The following SGCD variants were observed in gnomAD, a reference collection of about 807,000 sequenced individuals.
SGCD encodes delta-sarcoglycan.
Under a neutral mutation model 36.6 loss-of-function variants are expected in SGCD, and 18 were observed. The observed-to-expected ratio is 0.49, with a 90% CI of 0.34 to 0.73. SGCD has a LOEUF of 0.73. SGCD is among the 30% of genes least tolerant of loss of function. The pLI, the probability that SGCD is intolerant of heterozygous loss-of-function variation, is 0.01. For missense variants in SGCD, 387 were observed against 346.7 expected, an observed-to-expected ratio of 1.12 and a Z score of -0.92; for synonymous variants, 133 against 130.6, an observed-to-expected ratio of 1.02 and a Z score of -0.12.
At chr5:156,001,606 T>C (rs1447006964) in intron 1 of SGCD, among the ~76,000 whole-genome samples, 2 of 152,218 alleles carry the variant, frequency 1.3e-5, no homozygotes, top group Non-Finnish European at 2.9e-5. Flanking sequence ...AATACTTAAG[T>C]TCTGTAAGAG....
At chr5:156,139,590 C>G (rs770712247) in intron 3 of SGCD, among the ~76,000 whole-genome samples, 13 of 152,066 alleles carry the variant, frequency 8.5e-5, no homozygotes, top group Non-Finnish European at 1.6e-4. Context: ...TTCTTTAATA[C>G]CTTTAAAGAA....
At chr5:156,237,871 AC>A (rs1480239341) in intron 3 of SGCD, among the ~76,000 whole-genome samples, 1 of 152,212 alleles carries the variant, frequency 6.6e-6, no homozygotes, top group Non-Finnish European at 1.5e-5. Flanking sequence ...TTGCCTCAAA[AC>A]AAATGATAAC....
At chr5:156,576,611 G>A (rs1435551191) in intron 4 of SGCD, among the ~76,000 whole-genome samples, 3 of 152,018 alleles carry the variant, frequency 2.0e-5, no homozygotes, top group Admixed American at 6.6e-5. Flanking sequence ...TATAATGATC[G>A]CCATTCTAAC....
At chr5:155,765,646 T>C in the SGCD span, among the ~76,000 whole-genome samples, 1 of 152,158 alleles carries the variant, frequency 6.6e-6, no homozygotes, top group South Asian at 2.1e-4. Flanking sequence ...CTGGACCATA[T>C]GCAGTATTTC....
intron 3 of SGCD, among the ~76,000 whole-genome samples, chr5:156,424,330 C>T (rs1219088648): frequency 1.3e-5 from 2 of 152,022 alleles, no homozygotes; most frequent in Non-Finnish European, 2.9e-5. Context: ...ACAATACACA[C>T]CAACACATTT....
intron 4 of SGCD, among the ~76,000 whole-genome samples, chr5:156,552,324 G>T (rs1412543403): frequency 2.0e-5 from 3 of 152,184 alleles, no homozygotes; most frequent in Non-Finnish European, 4.4e-5. Flanking sequence ...GTGTTGAGAA[G>T]ATGTGAAACG....
Position 156,765,553 on chromosome 5 carries a change from T to C in SGCD, c.*6163T>C, listed in dbSNP as rs1288383655. ...AAGAGTTGTATTCTATTATTCAATT[T>C]TAAGAATATTTATTAATATTCACTG... On this transcript the variant is annotated 3_prime_UTR_variant, in exon 9 of 9. Coordinates refer to ENST00000337851, the MANE Select transcript of SGCD (RefSeq NM_000337.6). 2 of 152,198 alleles carry C rather than the reference T, an allele frequency of 1.3e-5. No homozygotes were observed. The highest frequency in any genetic ancestry group is 1.3e-4 in the Admixed American group (2 of 15,282). The allele number at this position is 152,198 out of a possible 1,614,324, so 9.4% of individuals were successfully genotyped here.
chr5:156,453,859 A>G (rs781510427), intron 3 of SGCD, among the ~76,000 whole-genome samples: 1 of 152,220 alleles, frequency 6.6e-6, no homozygotes, highest in Non-Finnish European at 1.5e-5. Context: ...AAGAAGCCAG[A>G]CATAGAAGAG....
At chr5:156,412,851 A>T (rs1373173327) in intron 3 of SGCD, among the ~76,000 whole-genome samples, 5 of 143,122 alleles carry the variant, frequency 3.5e-5, no homozygotes, top group Non-Finnish European at 7.5e-5. Flanking sequence ...TGCGGACTGC[A>T]GTGGCGCAAT....
At chr5:156,606,899 TA>T (rs755123595) in intron 6 of SGCD, among the ~76,000 whole-genome samples, 1 of 152,264 alleles carries the variant, frequency 6.6e-6, no homozygotes, top group Non-Finnish European at 1.5e-5. Flanking sequence ...ATTGACTTTG[TA>T]TCCTGAGACT....
chr5:156,688,811 G>C (rs566037630), intron 7 of SGCD, among the ~76,000 whole-genome samples: 4 of 152,328 alleles, frequency 2.6e-5, no homozygotes, highest in Admixed American at 2.0e-4. Flanking sequence ...ATAGATGCTG[G>C]ACAGCCAAAA....
chr5:155,788,917 G>A, the SGCD span, among the ~76,000 whole-genome samples: 4 of 152,034 alleles, frequency 2.6e-5, no homozygotes, highest in Admixed American at 1.3e-4. Context: ...GACATAAAAC[G>A]GTCAAAATAC....
chr5:156,070,561 G>A (rs146853940), intron 1 of SGCD, among the ~76,000 whole-genome samples: 32,403 of 148,622 alleles, frequency 0.22, 4,210 homozygotes, highest in African/African-American at 0.34. Flanking sequence ...TTTTGCATCA[G>A]TGTTCATCAA....
chr5:156,171,016 G>A (rs1763332475), intron 3 of SGCD, among the ~76,000 whole-genome samples: 2 of 152,124 alleles, frequency 1.3e-5, no homozygotes, highest in Admixed American at 1.3e-4. Context: ...GTGTAAATGA[G>A]TAGCCTGACT....
At chr5:156,617,806 C>G (rs1416712825) in intron 6 of SGCD, among the ~76,000 whole-genome samples, 1 of 152,206 alleles carries the variant, frequency 6.6e-6, no homozygotes, top group East Asian at 1.9e-4. Context: ...TGATTGCCCT[C>G]CCTGGTACAT....
At chr5:156,026,875 T>C (rs256629) in intron 1 of SGCD, among the ~76,000 whole-genome samples, 86,901 of 151,934 alleles carry the variant, frequency 0.57, 25,250 homozygotes, top group East Asian at 0.74. Flanking sequence ...CATTGCCAGC[T>C]ATGTCTCTGT....
At chr5:155,967,904 G>T (rs1020409148) in intron 1 of SGCD, among the ~76,000 whole-genome samples, 1 of 151,860 alleles carries the variant, frequency 6.6e-6, no homozygotes, top group South Asian at 2.1e-4. Flanking sequence ...AACATCGTCG[G>T]GAGTGATTTC....
At chr5:156,278,722 AC>A (rs1319380935) in intron 3 of SGCD, among the ~76,000 whole-genome samples, 1 of 152,184 alleles carries the variant, frequency 6.6e-6, no homozygotes, top group Non-Finnish European at 1.5e-5. Flanking sequence ...TTGCAGTGTA[AC>A]TGCAGGATGC....
chr5:155,841,034 A>AAACGTGGGCT, the SGCD span, among the ~76,000 whole-genome samples: 2 of 133,560 alleles, frequency 1.5e-5, no homozygotes, highest in Non-Finnish European at 3.1e-5. Flanking sequence ...AAAAAAAAAG[A>AAACGTGGGCT]CTGGGGCACT....
Sources: gnomAD v4.1 joint callset for allele counts (sites outside exome capture counted in the v4.1 genomes callset) on GRCh38, gnomAD v4.1.1 for gene constraint, MANE v1.5 for transcripts, NCBI Gene and HGNC (gene_info 2026-07-23, HGNC 2026-07-21) for gene names.